KIR2DL3: variants seen among roughly 807,000 people sequenced by gnomAD.
KIR2DL3 encodes killer cell immunoglobulin like receptor, two Ig domains and long cytoplasmic tail 3, also known as killer cell immunoglobulin-like receptor 2DL3.
Under a neutral mutation model 33.8 loss-of-function variants are expected in KIR2DL3, and 39 were observed. That is an observed-to-expected ratio of 1.15 (90% CI 0.89 to 1.51). KIR2DL3 has a LOEUF of 1.51. Among genes scored for constraint, KIR2DL3 ranks in the 40% most tolerant of loss-of-function variants. KIR2DL3 has a pLI of 0.00. For synonymous variants in KIR2DL3, 174 were observed against 160.2 expected (o/e 1.09, Z -0.65); for missense variants, 462 against 426.2 (o/e 1.08, Z -0.74).
chr19:54,749,086 A>T (rs1355354895), intron 5 of KIR2DL3, among the ~76,000 whole-genome samples: 4 of 152,088 alleles, frequency 2.6e-5, no homozygotes, highest in Non-Finnish European at 5.9e-5. Flanking sequence ...CCGTGAAGGC[A>T]CAAAGGTGAA....
chr19:54,747,348 T>G lies in KIR2DL3; in HGVS notation c.678T>G (p.Asn226Lys). 7 of 1,611,828 alleles carry G rather than the reference T, an allele frequency of 4.3e-6. No individual in the cohort carries two copies. Among genetic ancestry groups the G allele is most frequent in the Non-Finnish European group, 5.9e-6 (7 of 1,178,560 alleles). ...LLVSVTGNPSNSWPSPTEPSS... is the reference protein window; with the variant it reads ...LLVSVTGNPSKSWPSPTEPSS... Reference sequence around the variant, plus strand: ...CTCGTGTTCTAGGAAACCCTTCAAATAGTTGGCCTTCACCCACTGAACCAA... The same window carrying G: ...CTCGTGTTCTAGGAAACCCTTCAAAGAGTTGGCCTTCACCCACTGAACCAA... The change falls in exon 5 of 8, where the codon AAT becomes AAG. Residue 226 changes from asparagine (N) to lysine (K), a missense_variant. By Grantham distance (94) the Asn-to-Lys change is moderately conservative. Transcript: ENST00000342376.
intron 2 of KIR2DL3, among the ~76,000 whole-genome samples, chr19:54,739,969 C>T (rs1215887761): frequency 6.6e-6 from 1 of 151,532 alleles, no homozygotes; most frequent in Non-Finnish European, 1.5e-5. Context: ...CCGCTGATAT[C>T]CATTCACAAA....
intron 3 of KIR2DL3, among the ~76,000 whole-genome samples, chr19:54,742,946 G>A (rs1175786985): frequency 3.3e-5 from 5 of 151,880 alleles, no homozygotes; most frequent in African/African-American, 4.8e-5. Context: ...CCAGAGGAAG[G>A]AGATTGAGAG....
intron 5 of KIR2DL3, among the ~76,000 whole-genome samples, chr19:54,748,352 AT>A (rs2072886655): frequency 6.7e-6 from 1 of 148,670 alleles, no homozygotes; most frequent in South Asian, 2.2e-4. Flanking sequence ...AGTTCAGCTG[AT>A]TAGCAACCGC....
chr19:54,746,391 G>C (rs1410592985), intron 4 of KIR2DL3, among the ~76,000 whole-genome samples: 1 of 141,906 alleles, frequency 7.0e-6, no homozygotes, highest in Non-Finnish European at 1.6e-5. Flanking sequence ...AAGTTGCTTA[G>C]TTTGAGGTAA....
intron 4 of KIR2DL3, among the ~76,000 whole-genome samples, chr19:54,744,952 ATATTTTTTTTTTT>A (rs1223050436): frequency 7.3e-4 from 20 of 27,224 alleles, no homozygotes; most frequent in African/African-American, 2.7e-3. Context: ...ATATATATAT[ATATTTTTTTTTTT>A]TTTTTTTTTT....
rs2071213917 is a variant in KIR2DL3, at chr19:54,741,972, C to T, written c.71-8C>T. On this transcript the variant is annotated splice_polypyrimidine_tract_variant and splice_region_variant and intron_variant, in intron 2 of 7. Coordinates refer to ENST00000342376, the MANE Select transcript of KIR2DL3 (RefSeq NM_015868.3). ...GACACCTTCTAAACTCACAACCTCTCTTCCTAGGAGTCCACAGAAAACCTT... is the reference window on the plus strand; with the variant it reads ...GACACCTTCTAAACTCACAACCTCTTTTCCTAGGAGTCCACAGAAAACCTT... The T allele has an allele frequency of 1.1e-5, 18 of 1,601,424 alleles. No homozygotes were observed. The South Asian group carries it at 1.5e-4, about 14-fold the overall frequency.
In KIR2DL3 at chr19:54,742,294, A is replaced by G. The variant is rs377100912; in HGVS notation, c.370+15A>G. The G allele has an allele frequency of 1.9e-6, 3 of 1,611,828 alleles. No individual in the cohort carries two copies. In the African/African-American group the frequency reaches 4.0e-5, roughly 22 times the overall value. Reference sequence around the variant, plus strand: ...CGTCATCACAGGTGAGAGTGTCCGGACATTCTCATTGTCATTGGGATGCAG... The same window carrying G: ...CGTCATCACAGGTGAGAGTGTCCGGGCATTCTCATTGTCATTGGGATGCAG... On this transcript the variant is annotated intron_variant, in intron 3 of 7. Coordinates refer to ENST00000342376, the MANE Select transcript of KIR2DL3 (RefSeq NM_015868.3).
chr19:54,746,163 G>A (rs2072455892), intron 4 of KIR2DL3, among the ~76,000 whole-genome samples: 1 of 134,710 alleles, frequency 7.4e-6, no homozygotes, highest in Non-Finnish European at 1.6e-5. Context: ...ATTTTAATTT[G>A]TGTTTCTCTG....
chr19:54,742,780 G>C (rs1555899762), intron 3 of KIR2DL3, among the ~76,000 whole-genome samples: 1,776 of 151,346 alleles, frequency 0.012, 13 homozygotes, highest in Non-Finnish European at 0.02. Context: ...CATGGCCCCA[G>C]AACACCAACC....
At chr19:54,744,954 A>ATTTTTTTTT (rs71195797) in intron 4 of KIR2DL3, among the ~76,000 whole-genome samples, 9 of 31,268 alleles carry the variant, frequency 2.9e-4, no homozygotes, top group Non-Finnish European at 3.6e-4. Flanking sequence ...ATATATATAT[A>ATTTTTTTTT]TTTTTTTTTT....
At chr19:54,748,475 C>T (rs2072908054) in intron 5 of KIR2DL3, among the ~76,000 whole-genome samples, 1 of 139,824 alleles carries the variant, frequency 7.2e-6, no homozygotes, top group East Asian at 2.0e-4. Flanking sequence ...CTGCCTTCCA[C>T]AAACGGTGAA....
intron 5 of KIR2DL3, among the ~76,000 whole-genome samples, chr19:54,749,552 A>G (rs1251608586): frequency 9.3e-6 from 1 of 107,604 alleles, no homozygotes; most frequent in Non-Finnish European, 2.1e-5. Context: ...AATACCTGGC[A>G]AAGGAGTGAC....
intron 4 of KIR2DL3, among the ~76,000 whole-genome samples, chr19:54,744,616 T>C (rs1472173051): frequency 1.7e-3 from 259 of 151,158 alleles, no homozygotes; most frequent in African/African-American, 5.8e-3. Flanking sequence ...AACTTCCGCC[T>C]CCTGGGTTCA....
At chr19:54,751,517 G>A in intron 5 of KIR2DL3, 132 bp from the exon 6 acceptor site, 1 of 770,368 alleles carries the variant, frequency 1.3e-6, no homozygotes, top group Non-Finnish European at 2.1e-6. Flanking sequence ...GAGAAAGCTG[G>A]GTCTCCCTCC....
intron 2 of KIR2DL3, among the ~76,000 whole-genome samples, chr19:54,740,677 T>C (rs2070884494): frequency 6.6e-6 from 1 of 151,910 alleles, no homozygotes; most frequent in Non-Finnish European, 1.5e-5. Flanking sequence ...GGGGATTGAA[T>C]ACAGGGAAAT....
chr19:54,742,525 G>A (rs1430679010), intron 3 of KIR2DL3, among the ~76,000 whole-genome samples: 2 of 152,088 alleles, frequency 1.3e-5, no homozygotes, highest in Admixed American at 1.3e-4. Flanking sequence ...AAAAGAGACA[G>A]ACAGACAGAC....
At chr19:54,738,978 T>C (rs1305113463) in intron 1 of KIR2DL3, among the ~76,000 whole-genome samples, 2 of 79,990 alleles carry the variant, frequency 2.5e-5, no homozygotes, top group African/African-American at 9.6e-5. Context: ...AGTGGAGATA[T>C]GGGTCTGGAG....
At chr19:54,749,260 G>A (rs1339700487) in intron 5 of KIR2DL3, among the ~76,000 whole-genome samples, 2 of 149,718 alleles carry the variant, frequency 1.3e-5, no homozygotes, top group African/African-American at 2.5e-5. Flanking sequence ...GATTCACCTC[G>A]GGGTAACCAG....
Sources: gnomAD v4.1 joint callset for allele counts (sites outside exome capture counted in the v4.1 genomes callset) on GRCh38, gnomAD v4.1.1 for gene constraint, MANE v1.5 for transcripts, NCBI Gene and HGNC (gene_info 2026-07-23, HGNC 2026-07-21) for gene names.